Variants in IER3IP1 observed in about 807,000 individuals in gnomAD.
IER3IP1 encodes immediate early response 3-interacting protein 1.
Under a neutral mutation model 12.2 loss-of-function variants are expected in IER3IP1, and 16 were observed. That is an observed-to-expected ratio of 1.31 (90% CI 0.89 to 1.99). The LOEUF (loss-of-function observed/expected upper bound fraction) is 1.99, where lower values mean the gene tolerates loss of function less well. Ranked by LOEUF, IER3IP1 falls within the 30% of genes most tolerant of loss-of-function variation. The pLI, the probability that IER3IP1 is intolerant of heterozygous loss-of-function variation, is 0.00. For synonymous variants in IER3IP1, 42 were observed against 40.0 expected (o/e 1.05, Z -0.19); for missense variants, 95 against 95.8 (o/e 0.99, Z 0.03).
Position 47,155,652 on chromosome 18 carries a change from A to G in IER3IP1, c.*525T>C, listed in dbSNP as rs16949034. ...CAATAGTATGTATAAATTTGAATTTATAGCTGAGACAATAGACAAAATAAT... is the reference window on the plus strand; with the variant it reads ...CAATAGTATGTATAAATTTGAATTTGTAGCTGAGACAATAGACAAAATAAT... On this transcript the variant is annotated 3_prime_UTR_variant, in exon 3 of 3. Transcript: ENST00000256433. 4,170 of 152,592 alleles carry G rather than the reference A, an allele frequency of 0.027. 230 individuals carry two copies. The East Asian group carries it at 0.27, about 10-fold the overall frequency. The allele number at this position is 152,592 out of a possible 1,614,324, so 9.5% of individuals were successfully genotyped here.
At chr18:47,165,833 C>T (rs2063994402) in intron 1 of IER3IP1, among the ~76,000 whole-genome samples, 1 of 152,216 alleles carries the variant, frequency 6.6e-6, no homozygotes, top group Non-Finnish European at 1.5e-5. Flanking sequence ...CTCACCAGAA[C>T]CAAGCCATGC....
In IER3IP1 at chr18:47,156,227, A is replaced by G. The variant is rs752017219; in HGVS notation, c.199T>C (p.Leu67=). The G allele has an allele frequency of 2.1e-5, 32 of 1,545,900 alleles. No individual in the cohort carries two copies. The highest frequency in any genetic ancestry group is 2.9e-5 in the Non-Finnish European group (32 of 1,121,056). The change falls in exon 3 of 3, where the codon TTG becomes CTG. Residue 67 remains leucine (L), a synonymous_variant. Coordinates refer to ENST00000256433, the MANE Select transcript of IER3IP1 (RefSeq NM_016097.5). The part of the protein sequence containing the change: ...RSVRTVMRVP[L]IIVNSIAIVL... Reference sequence around the variant, plus strand: ...ATTGCAATTGAGTTTACTATTATCAATGGCACTGTAAAGAGAAAAAAAAAA... The same window carrying G: ...ATTGCAATTGAGTTTACTATTATCAGTGGCACTGTAAAGAGAAAAAAAAAA...
intron 1 of IER3IP1, among the ~76,000 whole-genome samples, chr18:47,166,961 A>G (rs1365404050): frequency 1.3e-5 from 2 of 152,162 alleles, no homozygotes; most frequent in Non-Finnish European, 2.9e-5. Flanking sequence ...AAATATTTCT[A>G]GGCTACCTCT....
At chr18:47,158,623 G>A (rs1172586717) in intron 1 of IER3IP1, among the ~76,000 whole-genome samples, 2 of 151,568 alleles carry the variant, frequency 1.3e-5, no homozygotes, top group Non-Finnish European at 2.9e-5. Flanking sequence ...ATGAGTCACC[G>A]CACCCAGCCC....
intron 1 of IER3IP1, among the ~76,000 whole-genome samples, chr18:47,168,282 A>G (rs2064003328): frequency 6.8e-6 from 1 of 146,274 alleles, no homozygotes; most frequent in Non-Finnish European, 1.5e-5. Context: ...AGCCTGGGCC[A>G]CAGTGCAAGA....
intron 1 of IER3IP1, among the ~76,000 whole-genome samples, chr18:47,159,304 A>G (rs1161638838): frequency 1.3e-5 from 2 of 152,244 alleles, no homozygotes; most frequent in South Asian, 2.1e-4. Context: ...TGCATATGCA[A>G]TTGACCAAAG....
intron 1 of IER3IP1, among the ~76,000 whole-genome samples, chr18:47,168,913 AAAAC>A (rs990153593): frequency 6.6e-5 from 10 of 152,342 alleles, no homozygotes; most frequent in Admixed American, 1.3e-4. Flanking sequence ...TGTAATTCAA[AAAAC>A]AAACAAAGAC....
At chr18:47,161,580 A>C (rs2144427717) in intron 1 of IER3IP1, among the ~76,000 whole-genome samples, 2 of 152,204 alleles carry the variant, frequency 1.3e-5, no homozygotes, top group Middle Eastern at 6.8e-3. Flanking sequence ...TTAAATTGAC[A>C]TTCTAGTTTT....
rs1235349731 is a variant in IER3IP1 at position 47,176,211 on chromosome 18, GC to G, written c.66del (p.His23ThrfsTer30). 2 of 1,604,990 alleles carry G rather than the reference GC, an allele frequency of 1.2e-6. No individual in the cohort carries two copies. The highest frequency in any genetic ancestry group is 1.7e-5 in the Admixed American group (1 of 59,112). ...CTGTTCTTGAGGAATCGCTCCTCGTGCAGCACTGCGATGGCGTTGACGCAGA... is the reference window on the plus strand; with the variant it reads ...CTGTTCTTGAGGAATCGCTCCTCGTGAGCACTGCGATGGCGTTGACGCAGA... ...ALLCVNAIAV[L>X]HEERFLKNIG... On this transcript the variant is annotated frameshift_variant, in exon 1 of 3. Transcript: ENST00000256433. LOFTEE classifies it high-confidence loss of function.
Position 47,176,345 on chromosome 18 carries a change from C to A in IER3IP1, c.-68G>T. 3.6e-6 allele frequency: 5 copies of A among 1,404,826 alleles called. No homozygotes were observed. In the Middle Eastern group the frequency reaches 5.7e-4, roughly 161 times the overall value. 87.0% of individuals were successfully genotyped at this position (1,404,826 alleles called of 1,614,324 possible). On this transcript the variant is annotated 5_prime_UTR_variant, in exon 1 of 3. Transcript: ENST00000256433. ...GCCGCCGCAAGGGACGTGGCGCCTCCACGGCCGGCGCCTTCCTACGGAAGC... is the reference window on the plus strand; with the variant it reads ...GCCGCCGCAAGGGACGTGGCGCCTCAACGGCCGGCGCCTTCCTACGGAAGC...
At position 47,157,511 on chromosome 18, in the gene IER3IP1, C is replaced by T. The variant is rs753437838; in HGVS notation, c.118G>A (p.Gly40Ser). 3.1e-6 allele frequency: 5 copies of T among 1,614,000 alleles called. No homozygotes were observed. The highest frequency in any genetic ancestry group is 4.2e-6 in the Non-Finnish European group (5 of 1,179,994). ...NIGWGTDQGI[G>S]GFGEEPGIKS... ...ATTCCCGGCTCTTCTCCAAATCCACCAATTCCCTGGTCTGTTCCCCAGCCA... is the reference window on the plus strand; with the variant it reads ...ATTCCCGGCTCTTCTCCAAATCCACTAATTCCCTGGTCTGTTCCCCAGCCA... Residue 40 changes from glycine (G) to serine (S), a missense_variant, in exon 2 of 3, where the codon GGT becomes AGT. Physicochemically the swap from Gly to Ser is moderately conservative, Grantham distance 56. Coordinates refer to ENST00000256433, the MANE Select transcript of IER3IP1 (RefSeq NM_016097.5).
At position 47,172,526 on chromosome 18, in the gene IER3IP1, C is replaced by G. The variant is rs1443032780; in HGVS notation, c.91+3661G>C. The stretch of plus-strand genomic sequence containing the variant: ...TAGATGCCTGAAACAGAAGATAGTA[C>G]CCAACCGTATATGTAGTGTATTTTT... On this transcript the variant is annotated intron_variant, in intron 1 of 2. Transcript: ENST00000256433. This position sits in a 1 kb window ranked among gnomAD's most constrained non-coding sequence, Gnocchi z 4.0. 6.6e-6 allele frequency among the ~76,000 whole-genome samples: 1 copy of G among 152,078 alleles called. No individual in the cohort carries two copies. Among genetic ancestry groups the G allele is most frequent in the Non-Finnish European group, 1.5e-5 (1 of 68,020 alleles).
At chr18:47,170,960 A>G (rs1254261028) in intron 1 of IER3IP1, among the ~76,000 whole-genome samples, 1 of 152,180 alleles carries the variant, frequency 6.6e-6, no homozygotes, top group African/African-American at 2.4e-5. Context: ...CTTATTCCAC[A>G]TCAGGGAACG....
At chr18:47,174,536 G>C (rs999837337) in intron 1 of IER3IP1, among the ~76,000 whole-genome samples, 3 of 152,064 alleles carry the variant, frequency 2.0e-5, no homozygotes, top group Admixed American at 6.6e-5. Context: ...AGGCTTGGTG[G>C]TGCGTGCCTG....
chr18:47,162,856 A>G (rs181778483), intron 1 of IER3IP1, among the ~76,000 whole-genome samples: 24 of 152,292 alleles, frequency 1.6e-4, no homozygotes, highest in Admixed American at 7.8e-4. Context: ...CTAGAATGCT[A>G]TATCTACATC....
At position 47,176,236 on chromosome 18, in the gene IER3IP1, G is replaced by C. The variant is rs1239345376; in HGVS notation, c.42C>G (p.Leu14=). The change falls in exon 1 of 3, where the codon CTC becomes CTG. Residue 14 remains leucine, a synonymous_variant. Coordinates refer to ENST00000256433, the MANE Select transcript of IER3IP1 (RefSeq NM_016097.5). The stretch of plus-strand genomic sequence containing the variant: ...GCAGCACTGCGATGGCGTTGACGCA[G>C]AGCAGGGCTGCCTGCAGCAGTGAGT... ...TLYSLLQAAL[L]CVNAIAVLHE... is the part of the protein sequence containing the mutation. The C allele has an allele frequency of 6.2e-7, 1 of 1,609,034 alleles. No individual in the cohort carries two copies. Among genetic ancestry groups the C allele is most frequent in the Non-Finnish European group, 8.5e-7 (1 of 1,178,166 alleles).
intron 1 of IER3IP1, among the ~76,000 whole-genome samples, chr18:47,167,347 G>A (rs577526614): frequency 3.9e-5 from 6 of 152,132 alleles, no homozygotes; most frequent in East Asian, 3.9e-4. Context: ...CAATGCACCC[G>A]GCCCCCTGTA....
At chr18:47,165,570 A>AC (rs1738826258) in intron 1 of IER3IP1, among the ~76,000 whole-genome samples, 13 of 151,090 alleles carry the variant, frequency 8.6e-5, no homozygotes, top group Admixed American at 7.2e-4. Context: ...AAAAAAAAAG[A>AC]TACATGCAGA....
intron 1 of IER3IP1, 75 bp from the exon 2 acceptor site, chr18:47,157,612 T>G: frequency 1.5e-6 from 2 of 1,290,948 alleles, no homozygotes; most frequent in Non-Finnish European, 2.3e-6. Flanking sequence ...TCTAAAAGAT[T>G]AGTTTGAGAC....
Sources: gnomAD v4.1 joint callset for allele counts (sites outside exome capture counted in the v4.1 genomes callset) on GRCh38, gnomAD v4.1.1 for gene constraint, Gnocchi (gnomAD v3.1) non-coding constraint, MANE v1.5 for transcripts, NCBI Gene and HGNC (gene_info 2026-07-23, HGNC 2026-07-21) for gene names.